TRIM67: variants seen among roughly 807,000 people sequenced by gnomAD.
TRIM67 encodes the protein tripartite motif containing 67.
In TRIM67, 39 loss-of-function variants were observed where a neutral mutation model predicts 71.0. The observed-to-expected ratio is 0.55, with a 90% CI of 0.43 to 0.72. The LOEUF (loss-of-function observed/expected upper bound fraction) is 0.72, where lower values mean the gene tolerates loss of function less well. Among genes scored for constraint, TRIM67 ranks in the 30% least tolerant of loss-of-function variants. The pLI is 0.00. For synonymous variants in TRIM67, 481 were observed against 473.9 expected, an observed-to-expected ratio of 1.01 and a Z score of -0.19; for missense variants, 973 against 1,079.2, an observed-to-expected ratio of 0.90 and a Z score of 1.38.
At chr1:231,191,777 A>G (rs936779513) in intron 1 of TRIM67, among the ~76,000 whole-genome samples, 1 of 152,234 alleles carries the variant, frequency 6.6e-6, no homozygotes, top group Admixed American at 6.5e-5. Context: ...CCACAAGGCC[A>G]TTTTAATTAT....
chr1:231,208,781 C>T (rs963846561), intron 7 of TRIM67, among the ~76,000 whole-genome samples, 166 bp from the exon 8 acceptor site: 1 of 152,066 alleles, frequency 6.6e-6, no homozygotes, highest in African/African-American at 2.4e-5. Flanking sequence ...CATGTGTGTA[C>T]GTTTGTGTGT....
At chr1:231,205,356 A>G in intron 6 of TRIM67, among the ~76,000 whole-genome samples, 1 of 152,234 alleles carries the variant, frequency 6.6e-6, no homozygotes, top group East Asian at 1.9e-4. Context: ...GAGAGGCAAA[A>G]GGCTATGCAT....
chr1:231,179,504 A>T (rs1682843993), intron 1 of TRIM67, among the ~76,000 whole-genome samples: 2 of 152,224 alleles, frequency 1.3e-5, no homozygotes, highest in African/African-American at 4.8e-5. Context: ...AACATTAATT[A>T]GTTGGTTAAT....
intron 4 of TRIM67, among the ~76,000 whole-genome samples, chr1:231,200,868 G>A (rs1482818800): frequency 1.3e-5 from 2 of 152,180 alleles, no homozygotes; most frequent in Non-Finnish European, 2.9e-5. Context: ...AGAACCACGG[G>A]TGTGATGCAG....
At position 231,199,123 on chromosome 1, in the gene TRIM67, C is replaced by A; in HGVS notation, c.1217C>A (p.Ala406Asp). Residue 406 changes from alanine to aspartate, a missense_variant, in exon 3 of 10, where the codon GCC becomes GAC. This residue lies in a region of TRIM67 where 795 missense variants were observed against 831.3 expected (regional missense o/e 0.96). Coordinates refer to ENST00000366653, the MANE Select transcript of TRIM67 (RefSeq NM_001004342.5). ...GTGGATGCTTTAACTCGTCAGAAAG[C>A]CAAGCTGCTCACCAAGGTGACTAAA... ...ALVDALTRQK[A>D]KLLTKVTKER... 2 of 1,613,968 alleles carry A rather than the reference C, an allele frequency of 1.2e-6. No homozygotes were observed. Among genetic ancestry groups the A allele is most frequent in the Non-Finnish European group, 1.7e-6 (2 of 1,179,890 alleles).
At chr1:231,214,737 C>T (rs1386883975) in intron 9 of TRIM67, among the ~76,000 whole-genome samples, 2 of 149,080 alleles carry the variant, frequency 1.3e-5, no homozygotes, top group African/African-American at 5.0e-5. Context: ...CGAGATCGCA[C>T]CACTGCACTC....
intron 1 of TRIM67, among the ~76,000 whole-genome samples, chr1:231,182,862 G>A (rs892688067): frequency 3.3e-5 from 5 of 152,208 alleles, no homozygotes; most frequent in Admixed American, 6.5e-5. Flanking sequence ...GTGTGCCTGC[G>A]GATATAGCTA....
chr1:231,201,403 T>C lies in TRIM67; in HGVS notation c.1420T>C (p.Trp474Arg), dbSNP rs1683516493. ...GCGCGTCCAGGTGTCTCAGGAGCAGTGGGTCAAAGGCGCCCTGGAGCCGAA... is the reference window on the plus strand; with the variant it reads ...GCGCGTCCAGGTGTCTCAGGAGCAGCGGGTCAAAGGCGCCCTGGAGCCGAA... ...IKRVQVSQEQWVKGALEPKVS... is the reference protein window; with the variant it reads ...IKRVQVSQEQRVKGALEPKVS... The change falls in exon 5 of 10, where the codon TGG (tryptophan) becomes CGG (arginine). Residue 474 changes from tryptophan to arginine, a missense_variant. This residue lies in a region of TRIM67 where 795 missense variants were observed against 831.3 expected (regional missense o/e 0.96). Coordinates refer to ENST00000366653, the MANE Select transcript of TRIM67 (RefSeq NM_001004342.5). The C allele has an allele frequency of 6.2e-7, 1 of 1,613,500 alleles. No homozygotes were observed. Among genetic ancestry groups the C allele is most frequent in the Non-Finnish European group, 8.5e-7 (1 of 1,179,732 alleles).
chr1:231,163,150 G>T lies in TRIM67; in HGVS notation c.181G>T (p.Ala61Ser). ...LSRGSGLQAG[A>S]AAAASLEHDA... ...CCGGGGATCGGGGCTGCAGGCGGGC[G>T]CCGCCGCCGCTGCCTCTCTGGAGCA... The change falls in exon 1 of 10, where the codon GCC (alanine) becomes TCC (serine). Residue 61 changes from alanine (A) to serine (S), a missense_variant. This residue lies in a region of TRIM67 where 795 missense variants were observed against 831.3 expected (regional missense o/e 0.96). Coordinates refer to ENST00000366653, the MANE Select transcript of TRIM67 (RefSeq NM_001004342.5). The T allele has an allele frequency of 2.0e-6, 3 of 1,510,784 alleles. No homozygotes were observed. Among genetic ancestry groups the T allele is most frequent in the Middle Eastern group, 1.7e-4 (1 of 5,836 alleles). The allele number at this position is 1,510,784 out of a possible 1,614,324, so 93.6% of individuals were successfully genotyped here. A position where few individuals can be genotyped will look rare whatever the true frequency, so the allele number is the denominator to read the frequency against.
intron 1 of TRIM67, among the ~76,000 whole-genome samples, chr1:231,165,659 T>C (rs1263491841): frequency 1.3e-5 from 2 of 152,236 alleles, no homozygotes; most frequent in Non-Finnish European, 2.9e-5. Context: ...GAATTAGTTA[T>C]CATTCATATG....
At position 231,209,795 on chromosome 1, in the gene TRIM67, T is replaced by A. The variant is rs192763581; in HGVS notation, c.2123+545T>A. On this transcript the variant is annotated intron_variant, in intron 8 of 9. Coordinates refer to ENST00000366653, the MANE Select transcript of TRIM67 (RefSeq NM_001004342.5). The surrounding 1 kb of genome is among the most constrained non-coding windows in gnomAD (Gnocchi z 4.1). ...TCACTACTAACGAGCCTGCCAAGGG[T>A]GCCCACAGCTGTGGCTTTGCCCTGA... Among the ~76,000 whole-genome samples the A allele has an allele frequency of 1.6e-3, 239 of 152,156 alleles. No individual in the cohort carries two copies. The highest frequency in any genetic ancestry group is 6.8e-3 in the Middle Eastern group (2 of 294).
chr1:231,181,263 CAGG>C (rs778689135), intron 1 of TRIM67, among the ~76,000 whole-genome samples: 30 of 152,314 alleles, frequency 2.0e-4, no homozygotes, highest in South Asian at 4.1e-4. Flanking sequence ...TGCACCTGGC[CAGG>C]AGAAGTCTTA....
At chr1:231,196,013 C>T (rs1410555410) in intron 1 of TRIM67, among the ~76,000 whole-genome samples, 1 of 152,344 alleles carries the variant, frequency 6.6e-6, no homozygotes, top group East Asian at 1.9e-4. Context: ...GGTACTCTTC[C>T]AGTGCCGGGA....
At position 231,217,262 on chromosome 1, in the gene TRIM67, G is replaced by C; in HGVS notation, c.*1822G>C. 1 of 986,042 alleles carries C rather than the reference G, an allele frequency of 1.0e-6. No individual in the cohort carries two copies. Among genetic ancestry groups the C allele is most frequent in the African/African-American group, 1.7e-5 (1 of 57,372 alleles). The allele number at this position is 986,042 out of a possible 1,614,324, so 61.1% of individuals were successfully genotyped here. A position where few individuals can be genotyped will look rare whatever the true frequency, so the allele number is the denominator to read the frequency against. ...TCGGTGCTGTGTTGCAGTCTCTGCT[G>C]CGGAGCCTGGGAGCTATCTGCTTCA... On this transcript the variant is annotated 3_prime_UTR_variant, in exon 10 of 10. Transcript: ENST00000366653.
At position 231,203,983 on chromosome 1, in the gene TRIM67, C is replaced by T. The variant is rs748343528; in HGVS notation, c.1651C>T (p.Leu551=). Residue 551 remains leucine (L), a synonymous_variant, in exon 6 of 10, where the codon CTG becomes TTG. Coordinates refer to ENST00000366653, the MANE Select transcript of TRIM67 (RefSeq NM_001004342.5). ...CCCCGTGGACGGCTACATCCTGGAG[C>T]TGGACGACGGTGCCGGGGGACAGTT... ...HSPVDGYILE[L]DDGAGGQFRE... 10 of 1,613,894 alleles carry T rather than the reference C, an allele frequency of 6.2e-6. No homozygotes were observed. Among genetic ancestry groups the T allele is most frequent in the African/African-American group, 2.7e-5 (2 of 74,948 alleles).
chr1:231,180,470 C>T lies in TRIM67; in HGVS notation c.1044+16457C>T, dbSNP rs141079481. On this transcript the variant is annotated intron_variant, in intron 1 of 9. Coordinates refer to ENST00000366653, the MANE Select transcript of TRIM67 (RefSeq NM_001004342.5). ...GTCTTTAAGAACAACTTCATTCTTA[C>T]CTCCCTCCCAGCGTGCTAGTCTCCC... Among the ~76,000 whole-genome samples, 361 of 152,218 alleles carry T rather than the reference C, an allele frequency of 2.4e-3. 1 individual carries two copies. The highest frequency in any genetic ancestry group is 0.01 in the Middle Eastern group (3 of 294).
In TRIM67 at chr1:231,162,852, G is replaced by T. The variant is rs1000763802; in HGVS notation, c.-118G>T. On this transcript the variant is annotated 5_prime_UTR_variant, in exon 1 of 10. Transcript: ENST00000366653. ...CCTCGGCTGTGAAGTGGGCATGCCCGTGTGATGCCCCCGCCCGTCGTCTCA... is the reference window on the plus strand; with the variant it reads ...CCTCGGCTGTGAAGTGGGCATGCCCTTGTGATGCCCCCGCCCGTCGTCTCA... 73 of 1,365,328 alleles carry T rather than the reference G, an allele frequency of 5.3e-5. No homozygotes were observed. In the East Asian group the frequency reaches 1.8e-3, roughly 33 times the overall value. The allele number at this position is 1,365,328 out of a possible 1,614,324, so 84.6% of individuals were successfully genotyped here.
In TRIM67 at chr1:231,163,539, G is replaced by A; in HGVS notation, c.570G>A (p.Gln190=). 1 of 1,514,318 alleles carries A rather than the reference G, an allele frequency of 6.6e-7. No individual in the cohort carries two copies. Among genetic ancestry groups the A allele is most frequent in the Non-Finnish European group, 8.8e-7 (1 of 1,137,074 alleles). 93.8% of individuals were successfully genotyped at this position (1,514,318 alleles called of 1,614,324 possible). A position where few individuals can be genotyped will look rare whatever the true frequency, so the allele number is the denominator to read the frequency against. Residue 190 remains glutamine, a synonymous_variant, in exon 1 of 10, where the codon CAG becomes CAA. Coordinates refer to ENST00000366653, the MANE Select transcript of TRIM67 (RefSeq NM_001004342.5). ...RLLEAIVQRY[Q]QGRGAVPGTS... ...TCGAGGCCATCGTGCAGCGGTACCA[G>A]CAGGGCCGCGGGGCCGTGCCGGGGA...
chr1:231,163,731 G>T lies in TRIM67; in HGVS notation c.762G>T (p.Pro254=). Residue 254 remains proline, a synonymous_variant, in exon 1 of 10, where the codon CCG becomes CCT. Coordinates refer to ENST00000366653, the MANE Select transcript of TRIM67 (RefSeq NM_001004342.5). ...PFAKHRLVQP[P]PPPPPPAEAA... Reference sequence around the variant, plus strand: ...CCAAGCATCGCCTGGTGCAGCCGCCGCCGCCGCCGCCGCCGCCCGCCGAGG... The same window carrying T: ...CCAAGCATCGCCTGGTGCAGCCGCCTCCGCCGCCGCCGCCGCCCGCCGAGG... 6.7e-7 allele frequency: 1 copy of T among 1,490,872 alleles called. No homozygotes were observed. Among genetic ancestry groups the T allele is most frequent in the Non-Finnish European group, 8.9e-7 (1 of 1,121,262 alleles). The allele number at this position is 1,490,872 out of a possible 1,614,324, so 92.4% of individuals were successfully genotyped here.
Sources: gnomAD v4.1 joint callset for allele counts (sites outside exome capture counted in the v4.1 genomes callset) on GRCh38, gnomAD v4.1.1 for gene constraint, gnomAD v4.1.1 regional missense constraint, Gnocchi (gnomAD v3.1) non-coding constraint, MANE v1.5 for transcripts, NCBI Gene and HGNC (gene_info 2026-07-23, HGNC 2026-07-21) for gene names.